The following EPHA6 variants were observed in gnomAD, a reference collection of about 807,000 sequenced individuals.
EPHA6 encodes the protein ephrin type-A receptor 6.
EPHA6 carries 50 observed loss-of-function variants against 112.0 expected under a neutral mutation model. The observed-to-expected ratio is 0.45, with a 90% CI of 0.36 to 0.56. The LOEUF is 0.56. EPHA6 is among the 20% of genes least tolerant of loss of function. The probability of loss-of-function intolerance (pLI) is 0.00; values close to 1 mark genes in which losing one functional copy is unlikely to be tolerated. For missense variants in EPHA6, 1,280 were observed against 1,417.4 expected (o/e 0.90, Z 1.56); for synonymous variants, 529 against 490.7 (o/e 1.08, Z -1.03).
chr3:97,291,575 T>C (rs569968839), intron 5 of EPHA6, among the ~76,000 whole-genome samples: 25 of 152,338 alleles, frequency 1.6e-4, no homozygotes, highest in Non-Finnish European at 3.5e-4. Context: ...CTAAAATAAT[T>C]ATTTGAAAAG....
chr3:97,430,438 G>A (rs1479023309), intron 6 of EPHA6, among the ~76,000 whole-genome samples: 1 of 151,916 alleles, frequency 6.6e-6, no homozygotes, highest in Non-Finnish European at 1.5e-5. Flanking sequence ...AAATATCTTA[G>A]AGTATCATTT....
intron 3 of EPHA6, among the ~76,000 whole-genome samples, chr3:97,097,069 G>C (rs1049085252): frequency 1.3e-5 from 2 of 151,528 alleles, no homozygotes; most frequent in Non-Finnish European, 3.0e-5. Context: ...CATTAAAGCA[G>C]TAATATTATG....
At chr3:97,325,186 T>C (rs2082358118) in intron 5 of EPHA6, among the ~76,000 whole-genome samples, 1 of 152,116 alleles carries the variant, frequency 6.6e-6, no homozygotes, top group Admixed American at 6.6e-5. Flanking sequence ...AATAGGTTAA[T>C]TCATTACTTT....
intron 6 of EPHA6, among the ~76,000 whole-genome samples, chr3:97,420,483 T>C (rs892360762): frequency 6.6e-5 from 10 of 152,078 alleles, no homozygotes; most frequent in Admixed American, 2.0e-4. Flanking sequence ...TATTATTTAC[T>C]AAATATGACT....
intron 11 of EPHA6, among the ~76,000 whole-genome samples, chr3:97,587,060 T>C (rs1284618251): frequency 6.6e-6 from 1 of 152,022 alleles, no homozygotes; most frequent in East Asian, 1.9e-4. Context: ...CTGGCCAACA[T>C]AGTAAAACCC....
intron 3 of EPHA6, among the ~76,000 whole-genome samples, chr3:97,223,493 G>C (rs757564913): frequency 6.6e-6 from 1 of 152,192 alleles, no homozygotes; most frequent in Non-Finnish European, 1.5e-5. Flanking sequence ...TCTGGAAAAG[G>C]CCAGTGTGGC....
chr3:97,507,271 G>T (rs917330123), intron 10 of EPHA6, among the ~76,000 whole-genome samples: 2 of 152,098 alleles, frequency 1.3e-5, no homozygotes, highest in Non-Finnish European at 2.9e-5. Context: ...TCCAGCTTTT[G>T]CCCATTCACT....
intron 11 of EPHA6, among the ~76,000 whole-genome samples, chr3:97,574,699 T>C (rs1341963861): frequency 6.6e-6 from 1 of 152,090 alleles, no homozygotes; most frequent in Non-Finnish European, 1.5e-5. Context: ...GACCCTACTA[T>C]GTAAAAATGA....
At chr3:96,986,835 T>C (rs911180801) in intron 2 of EPHA6, among the ~76,000 whole-genome samples, 3 of 152,178 alleles carry the variant, frequency 2.0e-5, no homozygotes, top group Admixed American at 6.5e-5. Context: ...GTCATATAAA[T>C]ATTTAATTGA....
At chr3:96,888,936 C>A (rs996411128) in intron 2 of EPHA6, among the ~76,000 whole-genome samples, 1 of 152,150 alleles carries the variant, frequency 6.6e-6, no homozygotes, top group African/African-American at 2.4e-5. Context: ...ATGCCTTTAA[C>A]AGCACCCAAG....
rs530956317 is a variant in EPHA6 at position 97,753,056 on chromosome 3, A to C, written c.*4355A>C. 2.6e-5 allele frequency among the ~76,000 whole-genome samples: 4 copies of C among 152,274 alleles called. No homozygotes were observed. In the East Asian group the frequency reaches 7.7e-4, roughly 29 times the overall value. On this transcript the variant is annotated 3_prime_UTR_variant, in exon 18 of 18. Coordinates refer to ENST00000389672, the MANE Select transcript of EPHA6 (RefSeq NM_001080448.3). Reference sequence around the variant, plus strand: ...TAAATGGATGGTATTCTTCCACCAGAATATAAGATACTTAAGTCACCTAAC... The same window carrying C: ...TAAATGGATGGTATTCTTCCACCAGCATATAAGATACTTAAGTCACCTAAC...
intron 6 of EPHA6, among the ~76,000 whole-genome samples, chr3:97,420,165 C>T (rs2088497835): frequency 1.3e-5 from 2 of 151,810 alleles, no homozygotes; most frequent in Admixed American, 1.3e-4. Flanking sequence ...ATCTATGTGC[C>T]AATCTGGGTA....
At chr3:97,168,766 A>G (rs2076609918) in intron 3 of EPHA6, among the ~76,000 whole-genome samples, 1 of 152,112 alleles carries the variant, frequency 6.6e-6, no homozygotes, top group Non-Finnish European at 1.5e-5. Flanking sequence ...CCTTTTCGTT[A>G]TACCCAGTTT....
At chr3:97,640,912 T>A (rs2093997747) in intron 14 of EPHA6, among the ~76,000 whole-genome samples, 1 of 152,188 alleles carries the variant, frequency 6.6e-6, no homozygotes, top group South Asian at 2.1e-4. Flanking sequence ...TGACTTTAAT[T>A]AGGGCAATGA....
intron 3 of EPHA6, among the ~76,000 whole-genome samples, chr3:97,050,603 T>C (rs1324060892): frequency 5.3e-5 from 8 of 152,142 alleles, no homozygotes; most frequent in Non-Finnish European, 1.2e-4. Context: ...AAATGGGTAT[T>C]TCAACAGAGG....
chr3:97,420,612 C>G (rs2107181877), intron 6 of EPHA6, among the ~76,000 whole-genome samples: 1 of 151,946 alleles, frequency 6.6e-6, no homozygotes, highest in South Asian at 2.1e-4. Context: ...TCATTTTTTT[C>G]CCCCATCTTT....
intron 6 of EPHA6, among the ~76,000 whole-genome samples, chr3:97,422,076 T>C (rs2088687022): frequency 6.7e-6 from 1 of 149,044 alleles, no homozygotes. Flanking sequence ...ATGAAATGCA[T>C]ATTCTTACCT....
chr3:97,677,713 C>A (rs2031517274), intron 14 of EPHA6, among the ~76,000 whole-genome samples: 1 of 122,504 alleles, frequency 8.2e-6, no homozygotes, highest in Non-Finnish European at 1.7e-5. Flanking sequence ...AAGAACGAAA[C>A]TCCATCTTAA....
chr3:97,639,850 C>A (rs534614365), intron 14 of EPHA6, among the ~76,000 whole-genome samples: 1 of 152,230 alleles, frequency 6.6e-6, no homozygotes, highest in East Asian at 1.9e-4. Flanking sequence ...AGAATATTAA[C>A]ACTCTAAAAA....
Sources: gnomAD v4.1 joint callset for allele counts (sites outside exome capture counted in the v4.1 genomes callset) on GRCh38, gnomAD v4.1.1 for gene constraint, MANE v1.5 for transcripts, NCBI Gene and HGNC (gene_info 2026-07-23, HGNC 2026-07-21) for gene names.